FCHO2: variants seen among roughly 807,000 people sequenced by gnomAD.
FCHO2 encodes the protein F-BAR domain only protein 2.
A neutral mutation model predicts 114.1 loss-of-function variants in FCHO2; 43 were observed. That is an observed-to-expected ratio of 0.38 (90% confidence interval 0.30 to 0.49). The LOEUF (loss-of-function observed/expected upper bound fraction) is 0.49. Among genes scored for constraint, FCHO2 ranks in the 20% least tolerant of loss-of-function variants. The pLI, the probability that FCHO2 is intolerant of heterozygous loss-of-function variation, is 0.97. For synonymous variants in FCHO2, 293 were observed against 315.2 expected, an observed-to-expected ratio of 0.93 and a Z score of 0.75; for missense variants, 807 against 950.4, an observed-to-expected ratio of 0.85 and a Z score of 1.98.
intron 7 of FCHO2, among the ~76,000 whole-genome samples, chr5:73,016,890 T>TG (rs537093626): frequency 5.3e-5 from 8 of 151,708 alleles, no homozygotes; most frequent in Admixed American, 3.9e-4. Flanking sequence ...TGTGTGTGTG[T>TG]TTTTTTTAAG....
chr5:73,026,488 T>C (rs1755924957), intron 8 of FCHO2, among the ~76,000 whole-genome samples: 1 of 151,942 alleles, frequency 6.6e-6, no homozygotes, highest in Non-Finnish European at 1.5e-5. Context: ...AAAAATTGTA[T>C]ACATAAGTTA....
intron 13 of FCHO2, among the ~76,000 whole-genome samples, chr5:73,053,906 A>G (rs992462049): frequency 8.6e-5 from 13 of 151,666 alleles, no homozygotes; most frequent in African/African-American, 3.2e-4. Context: ...TTAAAAAACA[A>G]TGAACATGTA....
intron 1 of FCHO2, among the ~76,000 whole-genome samples, chr5:72,964,250 A>G (rs1394129035): frequency 6.6e-6 from 1 of 152,220 alleles, no homozygotes; most frequent in Non-Finnish European, 1.5e-5. Flanking sequence ...AGATTAGGGA[A>G]GAATATCTGA....
intron 11 of FCHO2, among the ~76,000 whole-genome samples, chr5:73,044,334 G>C (rs1669145587): frequency 6.6e-6 from 1 of 152,150 alleles, no homozygotes; most frequent in African/African-American, 2.4e-5. Flanking sequence ...GACCTCCCAG[G>C]CTCAGCCATT....
At chr5:73,026,309 A>G (rs1755913782) in intron 8 of FCHO2, among the ~76,000 whole-genome samples, 1 of 152,044 alleles carries the variant, frequency 6.6e-6, no homozygotes, top group Non-Finnish European at 1.5e-5. Flanking sequence ...GTCTCTACTA[A>G]AAATACAAAA....
At chr5:73,074,075 C>A (rs1038605487) in intron 19 of FCHO2, among the ~76,000 whole-genome samples, 1 of 151,946 alleles carries the variant, frequency 6.6e-6, no homozygotes, top group African/African-American at 2.4e-5. Flanking sequence ...AAACAGAAAC[C>A]TGAACACTTG....
chr5:73,052,521 C>T lies in FCHO2; in HGVS notation c.1173+14C>T, dbSNP rs571880854. ...CCAGCAATATCTGTAAGTACAAACA[C>T]GTTTGTACTCTTTATATAAAAGTCT... is the stretch of plus-strand genomic sequence containing the variant. On this transcript the variant is annotated intron_variant, in intron 13 of 25. Coordinates refer to ENST00000430046, the MANE Select transcript of FCHO2 (RefSeq NM_138782.3). The T allele has an allele frequency of 1.8e-5, 28 of 1,549,856 alleles. No individual in the cohort carries two copies. Among genetic ancestry groups the T allele is most frequent in the Middle Eastern group, 1.7e-4 (1 of 5,938 alleles).
chr5:73,013,546 C>T (rs998266298), intron 6 of FCHO2, among the ~76,000 whole-genome samples: 2 of 152,208 alleles, frequency 1.3e-5, no homozygotes, highest in South Asian at 4.2e-4. Context: ...ACTATTATTG[C>T]TCTGTGAGAT....
At chr5:73,024,688 C>G (rs938011253) in intron 8 of FCHO2, among the ~76,000 whole-genome samples, 5 of 151,956 alleles carry the variant, frequency 3.3e-5, no homozygotes, top group African/African-American at 1.2e-4. Flanking sequence ...CCGCCCACCT[C>G]GGCCTCCCAA....
At chr5:73,047,300 AC>A (rs1198338373) in intron 11 of FCHO2, among the ~76,000 whole-genome samples, 1 of 152,102 alleles carries the variant, frequency 6.6e-6, no homozygotes, top group Non-Finnish European at 1.5e-5. Flanking sequence ...AACCACAAAA[AC>A]ACATTCAGAG....
At position 73,087,629 on chromosome 5, in the gene FCHO2, A is replaced by G. The variant is rs765628855; in HGVS notation, c.2286A>G (p.Gly762=). The G allele has an allele frequency of 6.2e-7, 1 of 1,613,814 alleles. No homozygotes were observed. Among genetic ancestry groups the G allele is most frequent in the South Asian group, 1.1e-5 (1 of 91,066 alleles). ...SLRAKFDLSE[G]PSKPTTLAVQ... ...GAGCAAAATTTGATCTTTCAGAAGG[A>G]CCTAGTAAACCCACGACACTTGCAG... Residue 762 remains glycine, a synonymous_variant, in exon 25 of 26, where the codon GGA becomes GGG. Coordinates refer to ENST00000430046, the MANE Select transcript of FCHO2 (RefSeq NM_138782.3).
At chr5:73,042,123 G>A (rs954843602) in intron 11 of FCHO2, among the ~76,000 whole-genome samples, 1 of 152,018 alleles carries the variant, frequency 6.6e-6, no homozygotes, top group East Asian at 1.9e-4. Flanking sequence ...GATAAAATTA[G>A]TATTTTGTTT....
Position 73,076,333 on chromosome 5 carries a change from C to A in FCHO2, c.1692-1005C>A, listed in dbSNP as rs149969401. Among the ~76,000 whole-genome samples the A allele has an allele frequency of 1.8e-3, 272 of 152,026 alleles. 2 individuals carry two copies. Among genetic ancestry groups the A allele is most frequent in the African/African-American group, 6.3e-3 (261 of 41,464 alleles). ...CAACTATATTTGGAAAGAACAAATG[C>A]AGTTATTTCAGGATGTTTTGGTCTA... On this transcript the variant is annotated intron_variant, in intron 20 of 25. Coordinates refer to ENST00000430046, the MANE Select transcript of FCHO2 (RefSeq NM_138782.3).
chr5:72,996,295 C>T (rs1308724611), intron 5 of FCHO2, among the ~76,000 whole-genome samples: 1 of 146,242 alleles, frequency 6.8e-6, no homozygotes, highest in African/African-American at 2.5e-5. Flanking sequence ...GGATACAATA[C>T]AGTAGTTTAA....
intron 11 of FCHO2, among the ~76,000 whole-genome samples, chr5:73,048,407 TG>T (rs1441148245): frequency 6.6e-6 from 1 of 152,068 alleles, no homozygotes; most frequent in African/African-American, 2.4e-5. Flanking sequence ...ATTGGGCCAC[TG>T]CACTCCAGCC....
chr5:73,010,875 CAAAAAAAAAAA>C lies in FCHO2; in HGVS notation c.600+4343_600+4353del, dbSNP rs57820498. Among the ~76,000 whole-genome samples the C allele has an allele frequency of 1.7e-3, 43 of 25,748 alleles. No individual in the cohort carries two copies. In the East Asian group the frequency reaches 0.051, roughly 31 times the overall value. 16.9% of individuals were successfully genotyped at this position (25,748 alleles called of 152,430 possible). A position where few individuals can be genotyped will look rare whatever the true frequency, so the allele number is the denominator to read the frequency against. On this transcript the variant is annotated intron_variant, in intron 6 of 25. Coordinates refer to ENST00000430046, the MANE Select transcript of FCHO2 (RefSeq NM_138782.3). The stretch of plus-strand genomic sequence containing the variant: ...TGGGTGACAGAGTGAGACTCTGTCT[CAAAAAAAAAAA>C]AAAAAAAAAAAAAAAAGAGAGAATG...
intron 7 of FCHO2, among the ~76,000 whole-genome samples, chr5:73,016,958 G>T (rs575127620): frequency 6.6e-6 from 1 of 152,156 alleles, no homozygotes; most frequent in African/African-American, 2.4e-5. Context: ...TCTCTAGAAC[G>T]CTCAAAGATG....
chr5:73,061,676 A>G (rs1046576946), intron 17 of FCHO2, among the ~76,000 whole-genome samples: 2 of 152,044 alleles, frequency 1.3e-5, no homozygotes. Context: ...CTTTTGCTTC[A>G]TGGCTACAAA....
intron 5 of FCHO2, among the ~76,000 whole-genome samples, chr5:73,002,247 T>A (rs1164790166): frequency 3.3e-5 from 5 of 152,148 alleles, no homozygotes; most frequent in Non-Finnish European, 7.3e-5. Flanking sequence ...TCAGTAGAGA[T>A]TTGAGTAGCA....
Sources: gnomAD v4.1 joint callset for allele counts (sites outside exome capture counted in the v4.1 genomes callset) on GRCh38, gnomAD v4.1.1 for gene constraint, MANE v1.5 for transcripts, NCBI Gene and HGNC (gene_info 2026-07-23, HGNC 2026-07-21) for gene names.